The following PDCD11 variants were observed in gnomAD, a reference collection of about 807,000 sequenced individuals.
PDCD11 encodes programmed cell death 11.
A neutral mutation model predicts 198.9 loss-of-function variants in PDCD11; 97 were observed. The observed-to-expected ratio is 0.49, with a 90% CI of 0.41 to 0.58. The LOEUF is 0.58. PDCD11 is among the 20% of genes least tolerant of loss of function. The pLI is 0.00. For synonymous variants in PDCD11, 893 were observed against 918.0 expected (o/e 0.97, Z 0.49); for missense variants, 2,102 against 2,312.7 (o/e 0.91, Z 1.87).
rs1564765078 is a variant in PDCD11 at position 103,418,501 on chromosome 10, A to C, written c.1973A>C (p.His658Pro). The C allele has an allele frequency of 1.2e-6, 2 of 1,614,136 alleles. No individual in the cohort carries two copies. The highest frequency in any genetic ancestry group is 1.7e-6 in the Non-Finnish European group (2 of 1,180,012). Residue 658 changes from histidine to proline, a missense_variant, in exon 15 of 36, where the codon CAC (histidine) becomes CCC (proline). Coordinates refer to ENST00000369797, the MANE Select transcript of PDCD11 (RefSeq NM_014976.2). ...GGGCTGGAGGTGGCTGTCCTGCCCC[A>C]CAACATCCGTGCTTTCCTCCCCACA... is the stretch of plus-strand genomic sequence containing the variant. ...KDGLEVAVLP[H>P]NIRAFLPTSH...
In PDCD11 at chr10:103,445,373, A is replaced by T; in HGVS notation, c.5445-5A>T. On this transcript the variant is annotated splice_polypyrimidine_tract_variant and splice_region_variant and intron_variant, in intron 35 of 35. Coordinates refer to ENST00000369797, the MANE Select transcript of PDCD11 (RefSeq NM_014976.2). ...GGCAAATGCCACTCTGCTTTTCCTCAACAGGGACATCTTTGAGCGGGTCAT... is the reference window on the plus strand; with the variant it reads ...GGCAAATGCCACTCTGCTTTTCCTCTACAGGGACATCTTTGAGCGGGTCAT... 1 of 1,614,142 alleles carries T rather than the reference A, an allele frequency of 6.2e-7. No homozygotes were observed. The highest frequency in any genetic ancestry group is 1.3e-5 in the African/African-American group (1 of 75,064).
chr10:103,437,588 C>T (rs1415617565), intron 25 of PDCD11, among the ~76,000 whole-genome samples: 4 of 151,974 alleles, frequency 2.6e-5, no homozygotes, highest in Non-Finnish European at 4.4e-5. Context: ...CCTGGGTTCA[C>T]GCCATTCTCC....
intron 15 of PDCD11, 115 bp downstream of exon 15, chr10:103,418,749 C>A (rs2031259621): frequency 2.4e-6 from 2 of 832,422 alleles, no homozygotes; most frequent in Non-Finnish European, 3.7e-6. Context: ...TCCACAAAAC[C>A]AAACCAGTGA....
intron 21 of PDCD11, among the ~76,000 whole-genome samples, chr10:103,429,805 C>T (rs11191687): frequency 0.042 from 6,324 of 152,218 alleles, 170 homozygotes; most frequent in Non-Finnish European, 0.061. Flanking sequence ...GCTTCTCCCT[C>T]TCTTCCGCCC....
chr10:103,403,729 G>A (rs2030262704), intron 4 of PDCD11, among the ~76,000 whole-genome samples: 1 of 152,148 alleles, frequency 6.6e-6, no homozygotes, highest in Non-Finnish European at 1.5e-5. Context: ...GTAGATTGAA[G>A]AGGCATGAGA....
rs377470805 is a variant in PDCD11 at position 103,444,640 on chromosome 10, A to G, written c.5402A>G (p.Tyr1801Cys). The G allele has an allele frequency of 1.6e-5, 26 of 1,614,028 alleles. No homozygotes were observed. The highest frequency in any genetic ancestry group is 5.3e-5 in the African/African-American group (4 of 74,932). ...AAGCGCACAGATGTCTGGTCGGTCTATATCGACATGACCATCAAGCACGGC... is the reference window on the plus strand; with the variant it reads ...AAGCGCACAGATGTCTGGTCGGTCTGTATCGACATGACCATCAAGCACGGC... Reference protein sequence around the residue: ...YPKRTDVWSVYIDMTIKHGSQ... With the variant: ...YPKRTDVWSVCIDMTIKHGSQ... The change falls in exon 35 of 36, where the codon TAT becomes TGT. Residue 1801 changes from tyrosine (Y) to cysteine (C), a missense_variant. By Grantham distance (194) the Tyr-to-Cys change is radical. Transcript: ENST00000369797.
chr10:103,423,004 G>C lies in PDCD11; in HGVS notation c.2514G>C (p.Gln838His). 1 of 1,570,598 alleles carries C rather than the reference G, an allele frequency of 6.4e-7. No homozygotes were observed. The highest frequency in any genetic ancestry group is 2.3e-5 in the East Asian group (1 of 42,914). The change falls in exon 18 of 36, where the codon CAG (glutamine) becomes CAC (histidine). Residue 838 changes from glutamine (Q) to histidine (H), a missense_variant. Gln to His is a conservative substitution (Grantham distance 24, BLOSUM62 0). Coordinates refer to ENST00000369797, the MANE Select transcript of PDCD11 (RefSeq NM_014976.2). ...LMSNRDSVLI[Q>H]TLAEMTPGMF... ...CTCTGGCAGACTCTGTGTTGATCCA[G>C]ACGCTGGCCGAGATGACCCCAGGAA... is the stretch of plus-strand genomic sequence containing the variant.
chr10:103,443,122 C>G (rs1311259389), intron 32 of PDCD11, 43 bp from the exon 33 acceptor site: 7 of 1,519,690 alleles, frequency 4.6e-6, no homozygotes, highest in Non-Finnish European at 5.3e-6. Context: ...GGGAGGCTCA[C>G]TGGTTTCATG....
intron 17 of PDCD11, among the ~76,000 whole-genome samples, chr10:103,421,930 G>T (rs1342783765): frequency 7.1e-6 from 1 of 140,594 alleles, no homozygotes; most frequent in Non-Finnish European, 1.5e-5. Context: ...TTGCGTCACT[G>T]CAGCCCGCAG....
At chr10:103,434,661 A>T in intron 24 of PDCD11, 137 bp from the exon 25 acceptor site, 1 of 661,542 alleles carries the variant, frequency 1.5e-6, no homozygotes, top group East Asian at 2.8e-5. Context: ...ATCTCAGTCT[A>T]GATGGTTCTG....
At chr10:103,412,567 G>A (rs1446830736) in intron 8 of PDCD11, among the ~76,000 whole-genome samples, 1 of 152,092 alleles carries the variant, frequency 6.6e-6, no homozygotes, top group Non-Finnish European at 1.5e-5. Flanking sequence ...TGATCTGCCT[G>A]CTGCCTGCTT....
intron 1 of PDCD11, among the ~76,000 whole-genome samples, chr10:103,397,007 C>G (rs1053944092): frequency 6.6e-6 from 1 of 152,062 alleles, no homozygotes; most frequent in Admixed American, 6.5e-5. Context: ...CAAACTAGAC[C>G]CCCCAAACTT....
intron 21 of PDCD11, among the ~76,000 whole-genome samples, chr10:103,429,788 C>T (rs1193542271): frequency 2.0e-5 from 3 of 152,122 alleles, no homozygotes; most frequent in Non-Finnish European, 4.4e-5. Context: ...TATGGAACAG[C>T]AACTCTGCTT....
chr10:103,443,113 G>GGA lies in PDCD11; in HGVS notation c.4956-50_4956-49dup, dbSNP rs1287948019. 2.0e-6 allele frequency: 3 copies of GGA among 1,495,830 alleles called. No individual in the cohort carries two copies. In the African/African-American group the frequency reaches 4.2e-5, roughly 21 times the overall value. 92.7% of individuals were successfully genotyped at this position (1,495,830 alleles called of 1,614,324 possible). ...TTCCTGAGTCTGTCTGGATGGGGCG[G>GGA]GAGGCTCACTGGTTTCATGTGGCGC... On this transcript the variant is annotated intron_variant, in intron 32 of 35. Coordinates refer to ENST00000369797, the MANE Select transcript of PDCD11 (RefSeq NM_014976.2).
Position 103,423,043 on chromosome 10 carries a change from A to C in PDCD11, c.2553A>C (p.Leu851=). The change falls in exon 18 of 36, where the codon CTA becomes CTC. Residue 851 remains leucine, a synonymous_variant. Transcript: ENST00000369797. Reference sequence around the variant, plus strand: ...TGACCCCAGGAATGTTCCTTGACCTAGTGGTGCAGGAGGTGTTGGAAGATG... The same window carrying C: ...TGACCCCAGGAATGTTCCTTGACCTCGTGGTGCAGGAGGTGTTGGAAGATG... ...AEMTPGMFLD[L]VVQEVLEDGS... The C allele has an allele frequency of 1.2e-6, 2 of 1,604,696 alleles. No individual in the cohort carries two copies. The highest frequency in any genetic ancestry group is 1.7e-6 in the Non-Finnish European group (2 of 1,175,102).
intron 3 of PDCD11, among the ~76,000 whole-genome samples, chr10:103,401,891 C>T (rs918891402): frequency 2.6e-5 from 4 of 151,710 alleles, no homozygotes; most frequent in African/African-American, 4.8e-5. Context: ...TACAGGCGCC[C>T]GCCACCACGC....
At chr10:103,436,315 T>A (rs2032154208) in intron 25 of PDCD11, among the ~76,000 whole-genome samples, 1 of 152,206 alleles carries the variant, frequency 6.6e-6, no homozygotes, top group Admixed American at 6.5e-5. Context: ...TTGGCCAGGC[T>A]GGTCTCAAGC....
intron 27 of PDCD11, 67 bp downstream of exon 27, chr10:103,438,875 A>G: frequency 1.3e-6 from 2 of 1,560,362 alleles, no homozygotes; most frequent in Non-Finnish European, 8.8e-7. Context: ...TCTGGGGTCC[A>G]CTGTGTTCCT....
At chr10:103,426,975 G>A (rs1415519833) in intron 20 of PDCD11, among the ~76,000 whole-genome samples, 1 of 152,016 alleles carries the variant, frequency 6.6e-6, no homozygotes, top group East Asian at 1.9e-4. Flanking sequence ...TGGGCATGGT[G>A]GCATACACCT....
Sources: gnomAD v4.1 joint callset for allele counts (sites outside exome capture counted in the v4.1 genomes callset) on GRCh38, gnomAD v4.1.1 for gene constraint, MANE v1.5 for transcripts, NCBI Gene and HGNC (gene_info 2026-07-23, HGNC 2026-07-21) for gene names.